Variants in LIMS1 observed in about 807,000 individuals in gnomAD.
LIMS1 encodes the protein LIM and senescent cell antigen-like-containing domain protein 1.
Under a neutral mutation model 44.1 loss-of-function variants are expected in LIMS1, and 18 were observed. The ratio of observed to expected loss-of-function variants is 0.41; its 90% confidence interval spans 0.28 to 0.61. LIMS1 has a LOEUF of 0.61. LIMS1 is among the 20% of genes least tolerant of loss of function. The probability of loss-of-function intolerance (pLI) is 0.32; values close to 1 mark genes in which losing one functional copy is unlikely to be tolerated. For synonymous variants in LIMS1, 93 were observed against 149.1 expected (o/e 0.62, Z 2.74); for missense variants, 201 against 422.0 (o/e 0.48, Z 4.59).
At chr2:108,568,188 A>G (rs1239188453) in intron 1 of LIMS1, among the ~76,000 whole-genome samples, 2 of 152,210 alleles carry the variant, frequency 1.3e-5, no homozygotes, top group African/African-American at 2.4e-5. Flanking sequence ...TGGTTTCATT[A>G]TATGTCCCTT....
chr2:108,596,915 G>GTTTTTTTTTTTTTT, intron 1 of LIMS1, among the ~76,000 whole-genome samples: 1 of 68,442 alleles, frequency 1.5e-5, no homozygotes, highest in Non-Finnish European at 2.7e-5. Context: ...CGAAACATCT[G>GTTTTTTTTTTTTTT]TTTTTTTTTT....
chr2:108,571,701 G>A (rs1685485667), intron 1 of LIMS1, among the ~76,000 whole-genome samples: 1 of 152,210 alleles, frequency 6.6e-6, no homozygotes, highest in African/African-American at 2.4e-5. Context: ...GTTTTAGACA[G>A]TGAATCTTAA....
chr2:108,559,125 A>G (rs773361152), intron 1 of LIMS1, among the ~76,000 whole-genome samples: 1 of 152,178 alleles, frequency 6.6e-6, no homozygotes, highest in Non-Finnish European at 1.5e-5. Context: ...ATTATTCTGT[A>G]TGGGATAATT....
At chr2:108,598,627 C>CT (rs1310587870) in intron 1 of LIMS1, among the ~76,000 whole-genome samples, 1 of 152,156 alleles carries the variant, frequency 6.6e-6, no homozygotes, top group African/African-American at 2.4e-5. Flanking sequence ...GAATGAGGCC[C>CT]TGGCCAGGCA....
intron 2 of LIMS1, among the ~76,000 whole-genome samples, chr2:108,661,253 T>C: frequency 6.7e-6 from 1 of 150,246 alleles, no homozygotes; most frequent in Non-Finnish European, 1.5e-5. Context: ...TTTAAGCTCC[T>C]ATTGTGTCCC....
intron 1 of LIMS1, among the ~76,000 whole-genome samples, chr2:108,584,739 G>A (rs1046503753): frequency 3.9e-5 from 6 of 152,122 alleles, no homozygotes; most frequent in African/African-American, 7.2e-5. Context: ...CTTCCCAGCC[G>A]AGGTCAGCGT....
chr2:108,592,044 C>G (rs1686431240), intron 1 of LIMS1, among the ~76,000 whole-genome samples: 1 of 152,142 alleles, frequency 6.6e-6, no homozygotes, highest in African/African-American at 2.4e-5. Flanking sequence ...ATCCACGTGC[C>G]TCGGCCTCCC....
chr2:108,666,100 T>G (rs1691739402), intron 2 of LIMS1, among the ~76,000 whole-genome samples: 1 of 151,876 alleles, frequency 6.6e-6, no homozygotes, highest in Non-Finnish European at 1.5e-5. Flanking sequence ...CCAATTCAAT[T>G]CCCACACTAT....
intron 1 of LIMS1, among the ~76,000 whole-genome samples, chr2:108,589,292 TCAGGGTAATTA>T (rs1686260112): frequency 6.6e-6 from 1 of 152,148 alleles, no homozygotes; most frequent in African/African-American, 2.4e-5. Context: ...AATGACCAAA[TCAGGGTAATTA>T]GCCTATCAAT....
intron 1 of LIMS1, among the ~76,000 whole-genome samples, chr2:108,582,901 T>C (rs1685940031): frequency 6.6e-6 from 1 of 152,258 alleles, no homozygotes; most frequent in Non-Finnish European, 1.5e-5. Flanking sequence ...CTTTATGCTT[T>C]ATTTTCATAG....
chr2:108,562,121 C>G (rs890702944), intron 1 of LIMS1, among the ~76,000 whole-genome samples: 1 of 152,184 alleles, frequency 6.6e-6, no homozygotes, highest in Non-Finnish European at 1.5e-5. Flanking sequence ...ATATCACACT[C>G]AATTGATAAA....
At chr2:108,630,447 C>T (rs1021921600) in intron 1 of LIMS1, among the ~76,000 whole-genome samples, 3 of 148,604 alleles carry the variant, frequency 2.0e-5, no homozygotes, top group Admixed American at 6.6e-5. Flanking sequence ...AAATTGATCA[C>T]GACTTGATGA....
At chr2:108,573,006 T>C (rs1685539117) in intron 1 of LIMS1, among the ~76,000 whole-genome samples, 1 of 152,188 alleles carries the variant, frequency 6.6e-6, no homozygotes, top group Non-Finnish European at 1.5e-5. Flanking sequence ...CTTCCCAAAC[T>C]GGTGAAGAAT....
intron 8 of LIMS1, among the ~76,000 whole-genome samples, chr2:108,679,019 C>T (rs13387901): frequency 0.021 from 3,214 of 152,174 alleles, 47 homozygotes; most frequent in Non-Finnish European, 0.025. Flanking sequence ...GTCAGCCCTC[C>T]GTATCCAGGG....
chr2:108,588,552 T>C, intron 1 of LIMS1: 6 of 985,564 alleles, frequency 6.1e-6, no homozygotes, highest in Non-Finnish European at 7.2e-6. Flanking sequence ...GTAAAGTGAC[T>C]AAGGCAAAGG....
intron 1 of LIMS1, among the ~76,000 whole-genome samples, chr2:108,552,585 G>GGTGT (rs151262934): frequency 0.013 from 1,300 of 101,876 alleles, 13 homozygotes; most frequent in Non-Finnish European, 0.018. Flanking sequence ...ATATATTTTG[G>GGTGT]GTGTGTGTGT....
intron 1 of LIMS1, among the ~76,000 whole-genome samples, chr2:108,549,754 G>A (rs769110171): frequency 2.6e-5 from 4 of 152,062 alleles, no homozygotes; most frequent in Non-Finnish European, 5.9e-5. Flanking sequence ...TATGAAGTTC[G>A]TTGAGAGGAA....
At position 108,554,503 on chromosome 2, in the gene LIMS1, G is replaced by A. The variant is rs114904541; in HGVS notation, c.32+19909G>A. Among the ~76,000 whole-genome samples, 672 of 152,212 alleles carry A rather than the reference G, an allele frequency of 4.4e-3. 4 individuals carry two copies. The highest frequency in any genetic ancestry group is 0.014 in the South Asian group (68 of 4,816). ...GGGTAGAAACTCTTAACATAGATGGGGTGATAAAATGCAAGAGATTTATAA... is the reference window on the plus strand; with the variant it reads ...GGGTAGAAACTCTTAACATAGATGGAGTGATAAAATGCAAGAGATTTATAA... On this transcript the variant is annotated intron_variant, in intron 1 of 9. Transcript: ENST00000544547.
At chr2:108,552,275 A>G (rs1573313908) in intron 1 of LIMS1, among the ~76,000 whole-genome samples, 1 of 135,956 alleles carries the variant, frequency 7.4e-6, no homozygotes, top group East Asian at 2.1e-4. Flanking sequence ...TATAGTATAT[A>G]TATGAAACTA....
Sources: allele counts gnomAD v4.1 joint callset (sites outside exome capture counted in the v4.1 genomes callset), GRCh38; gene constraint gnomAD v4.1.1; transcripts MANE v1.5; gene names NCBI Gene and HGNC (gene_info 2026-07-23, HGNC 2026-07-21).